The following CPNE8 variants were observed in gnomAD, a reference collection of about 807,000 sequenced individuals.
CPNE8 encodes copine-8.
A neutral mutation model predicts 81.5 loss-of-function variants in CPNE8; 45 were observed. The observed-to-expected ratio is 0.55, with a 90% CI of 0.44 to 0.71. The LOEUF (loss-of-function observed/expected upper bound fraction) is 0.71, where lower values mean the gene tolerates loss of function less well. Ranked by LOEUF, CPNE8 falls within the 30% of genes least tolerant of loss-of-function variation. The pLI is 0.00. For synonymous variants in CPNE8, 252 were observed against 226.3 expected, an observed-to-expected ratio of 1.11 and a Z score of -1.02; for missense variants, 594 against 672.1, an observed-to-expected ratio of 0.88 and a Z score of 1.28.
chr12:38,850,485 G>C (rs1454881640), intron 3 of CPNE8, among the ~76,000 whole-genome samples: 1 of 152,148 alleles, frequency 6.6e-6, no homozygotes, highest in Admixed American at 6.5e-5. Flanking sequence ...AGTATACTCT[G>C]CTATCTCTAG....
chr12:38,756,512 C>T (rs1400981460), intron 10 of CPNE8, among the ~76,000 whole-genome samples: 1 of 152,066 alleles, frequency 6.6e-6, no homozygotes, highest in Admixed American at 6.6e-5. Flanking sequence ...CGCCACCATG[C>T]CCAGCTAATG....
At position 38,652,563 on chromosome 12, in the gene CPNE8, T is replaced by A. The variant is rs540137728; in HGVS notation, c.*1319A>T. On this transcript the variant is annotated 3_prime_UTR_variant, in exon 20 of 20. Transcript: ENST00000331366. ...CCAAGTATTAAATAGAATATATAGG[T>A]AAGGAAAAAATATTATAAAGCAGTT... 2 of 152,472 alleles carry A rather than the reference T, an allele frequency of 1.3e-5. No individual in the cohort carries two copies. The highest frequency in any genetic ancestry group is 4.2e-4 in the South Asian group (2 of 4,816). The allele number at this position is 152,472 out of a possible 1,614,324, so 9.4% of individuals were successfully genotyped here.
At position 38,896,177 on chromosome 12, in the gene CPNE8, G is replaced by A. The variant is rs368241374; in HGVS notation, c.98+9260C>T. Among the ~76,000 whole-genome samples the A allele has an allele frequency of 8.3e-4, 127 of 152,220 alleles. No homozygotes were observed. The East Asian group carries it at 9.3e-3, about 11-fold the overall frequency. On this transcript the variant is annotated intron_variant, in intron 1 of 19. Coordinates refer to ENST00000331366, the MANE Select transcript of CPNE8 (RefSeq NM_153634.3). ...GAATTCGTTTACTGTCTAATAAATA[G>A]AAATATTTGCTGGGGACTATCAGTG... is the stretch of plus-strand genomic sequence containing the variant.
chr12:38,853,037 A>G (rs1943671635), intron 3 of CPNE8, among the ~76,000 whole-genome samples: 1 of 152,180 alleles, frequency 6.6e-6, no homozygotes, highest in South Asian at 2.1e-4. Flanking sequence ...ACTCTATTAT[A>G]AAAAGTGAAA....
intron 10 of CPNE8, among the ~76,000 whole-genome samples, chr12:38,747,556 T>A (rs974915897): frequency 5.9e-5 from 9 of 152,130 alleles, no homozygotes; most frequent in Admixed American, 2.6e-4. Context: ...CCAGGGATAA[T>A]CTTTCTGATG....
At chr12:38,863,186 G>A (rs778790521) in intron 3 of CPNE8, among the ~76,000 whole-genome samples, 5 of 152,174 alleles carry the variant, frequency 3.3e-5, no homozygotes, top group Non-Finnish European at 7.3e-5. Flanking sequence ...CATGGCATAC[G>A]TGCGTATTAC....
At position 38,685,516 on chromosome 12, in the gene CPNE8, A is replaced by C; in HGVS notation, c.1245T>G (p.Phe415Leu). ...TTGCTACATGATTAATTACAGGAGC[A>C]AAGTTGGTGGGCCCATATAGTTGTA... The part of the protein sequence containing the change: ...KSVQLYGPTN[F>L]APVINHVARY... The change falls in exon 16 of 20, where the codon TTT (phenylalanine) becomes TTG (leucine). Residue 415 changes from phenylalanine (F) to leucine (L), a missense_variant. Coordinates refer to ENST00000331366, the MANE Select transcript of CPNE8 (RefSeq NM_153634.3). 1.9e-6 allele frequency: 3 copies of C among 1,613,462 alleles called. No homozygotes were observed. The highest frequency in any genetic ancestry group is 2.5e-6 in the Non-Finnish European group (3 of 1,179,546).
At chr12:38,764,656 A>G (rs960541538) in intron 8 of CPNE8, among the ~76,000 whole-genome samples, 3 of 151,738 alleles carry the variant, frequency 2.0e-5, no homozygotes, top group Non-Finnish European at 4.4e-5. Flanking sequence ...GTCATAGAAA[A>G]CAAATTACAG....
upstream of CPNE8, chr12:38,905,932 C>A: frequency 1.0e-6 from 1 of 985,368 alleles, no homozygotes; most frequent in South Asian, 4.7e-5. Context: ...ACCGCAAGCC[C>A]TCGCCGGCTC....
chr12:38,900,797 C>T (rs79686911), intron 1 of CPNE8, among the ~76,000 whole-genome samples: 6,621 of 152,206 alleles, frequency 0.044, 170 homozygotes, highest in East Asian at 0.12. Context: ...TTGCTGGGTT[C>T]ATGCAAGGAG....
chr12:38,864,968 C>T (rs2137088663), intron 3 of CPNE8, among the ~76,000 whole-genome samples: 1 of 152,274 alleles, frequency 6.6e-6, no homozygotes, highest in African/African-American at 2.4e-5. Context: ...ACGCAAGCAA[C>T]AAGGAATTCC....
intron 7 of CPNE8, among the ~76,000 whole-genome samples, chr12:38,772,409 A>G (rs1446424611): frequency 6.6e-6 from 1 of 152,158 alleles, no homozygotes; most frequent in African/African-American, 2.4e-5. Context: ...AAAAACTAAA[A>G]ATAAATAAAA....
chr12:38,877,455 T>G (rs1030087905), intron 1 of CPNE8, among the ~76,000 whole-genome samples: 2 of 152,214 alleles, frequency 1.3e-5, no homozygotes, highest in Middle Eastern at 3.4e-3. Flanking sequence ...CCTGTAACTT[T>G]GTTCCTACCA....
chr12:38,790,704 T>C (rs1942300712), intron 6 of CPNE8, among the ~76,000 whole-genome samples: 2 of 151,672 alleles, frequency 1.3e-5, no homozygotes, highest in Non-Finnish European at 3.0e-5. Flanking sequence ...AAACATCTCA[T>C]ATACACCTTA....
At chr12:38,866,889 C>T (rs969048295) in intron 3 of CPNE8, among the ~76,000 whole-genome samples, 2 of 151,994 alleles carry the variant, frequency 1.3e-5, no homozygotes, top group Admixed American at 6.6e-5. Context: ...AACAAAGTAT[C>T]GCTCTGTCAC....
chr12:38,726,832 C>T (rs558966730), intron 11 of CPNE8, among the ~76,000 whole-genome samples: 2 of 152,220 alleles, frequency 1.3e-5, no homozygotes, highest in African/African-American at 4.8e-5. Context: ...GCTGTCAGCA[C>T]ATCATAATGC....
rs1204021343 is a variant in CPNE8, at chr12:38,767,702, C to A, written c.508G>T (p.Asp170Tyr). Residue 170 changes from aspartate to tyrosine, a missense_variant, in exon 8 of 20, where the codon GAC becomes TAC. Coordinates refer to ENST00000331366, the MANE Select transcript of CPNE8 (RefSeq NM_153634.3). ...VLMQFCANKL[D>Y]KKDFFGKSDP... is the part of the protein sequence containing the mutation. ...GATTTTCCAAAGAAGTCCTTCTTGT[C>A]CAATTTGTTCGCACAAAATTGCATC... The A allele has an allele frequency of 1.3e-6, 2 of 1,558,190 alleles. No homozygotes were observed. Among genetic ancestry groups the A allele is most frequent in the Non-Finnish European group, 1.7e-6 (2 of 1,158,420 alleles).
At chr12:38,712,545 T>C (rs1216323200) in intron 13 of CPNE8, among the ~76,000 whole-genome samples, 1 of 152,156 alleles carries the variant, frequency 6.6e-6, no homozygotes, top group East Asian at 1.9e-4. Flanking sequence ...AATTAAATGT[T>C]TTACAGAGTC....
At chr12:38,669,583 C>T (rs1467606883) in intron 19 of CPNE8, among the ~76,000 whole-genome samples, 1 of 152,142 alleles carries the variant, frequency 6.6e-6, no homozygotes, top group Non-Finnish European at 1.5e-5. Context: ...CTTGGGCAAA[C>T]ACGGCCACTT....
Sources: allele counts gnomAD v4.1 joint callset (sites outside exome capture counted in the v4.1 genomes callset), GRCh38; gene constraint gnomAD v4.1.1; transcripts MANE v1.5; gene names NCBI Gene and HGNC (gene_info 2026-07-23, HGNC 2026-07-21).